Variants in TMEM161B observed in about 807,000 individuals in gnomAD.
TMEM161B encodes the protein transmembrane protein 161B.
In TMEM161B, 34 loss-of-function variants were observed where a neutral mutation model predicts 61.8. The ratio of observed to expected loss-of-function variants is 0.55; its 90% confidence interval spans 0.42 to 0.73. TMEM161B has a LOEUF of 0.73. Ranked by LOEUF, TMEM161B falls within the 30% of genes least tolerant of loss-of-function variation. TMEM161B has a pLI of 0.00. For synonymous variants in TMEM161B, 167 were observed against 192.8 expected (o/e 0.87, Z 1.11); for missense variants, 456 against 558.5 (o/e 0.82, Z 1.85).
chr5:88,253,097 G>C (rs1418299155), intron 1 of TMEM161B, among the ~76,000 whole-genome samples: 3 of 151,918 alleles, frequency 2.0e-5, no homozygotes, highest in Admixed American at 6.6e-5. Context: ...AAATAATTTT[G>C]GGTAAATTAC....
At chr5:88,206,000 C>T (rs1580376605) in intron 7 of TMEM161B, 46 bp from the exon 8 acceptor site, 1 of 1,383,122 alleles carries the variant, frequency 7.2e-7, no homozygotes. Context: ...TTATAATTAG[C>T]TTTTGAAGAA....
intron 3 of TMEM161B, among the ~76,000 whole-genome samples, chr5:88,226,561 GA>G (rs1750084340): frequency 6.6e-6 from 1 of 152,078 alleles, no homozygotes; most frequent in Non-Finnish European, 1.5e-5. Flanking sequence ...GAGTAGCTGG[GA>G]CTACAGGTAC....
chr5:88,233,823 A>G (rs982634485), intron 2 of TMEM161B, among the ~76,000 whole-genome samples: 8 of 152,170 alleles, frequency 5.3e-5, no homozygotes, highest in Non-Finnish European at 7.4e-5. Flanking sequence ...ACATCAAGTA[A>G]AAGTGACAGG....
chr5:88,248,375 C>T (rs1039763786), intron 1 of TMEM161B, among the ~76,000 whole-genome samples: 4 of 152,000 alleles, frequency 2.6e-5, no homozygotes, highest in African/African-American at 9.7e-5. Context: ...TACGTAACTG[C>T]CATTAGCCAT....
downstream of TMEM161B, among the ~76,000 whole-genome samples, chr5:88,194,548 T>C (rs1440246911): frequency 2.0e-5 from 3 of 152,130 alleles, no homozygotes; most frequent in Non-Finnish European, 4.4e-5. Flanking sequence ...GTTCTATTTT[T>C]AGTTCTTTGA....
chr5:88,190,867 T>A (rs572325505), downstream of TMEM161B, among the ~76,000 whole-genome samples: 71 of 152,342 alleles, frequency 4.7e-4, no homozygotes, highest in Non-Finnish European at 9.0e-4. Flanking sequence ...ATAGATTCTT[T>A]TATGGATTAT....
At chr5:88,264,730 A>G (rs1580755878) in intron 1 of TMEM161B, among the ~76,000 whole-genome samples, 1 of 152,226 alleles carries the variant, frequency 6.6e-6, no homozygotes, top group Non-Finnish European at 1.5e-5. Flanking sequence ...AATGTGGCAC[A>G]TATACACCAT....
At chr5:88,211,715 G>A (rs1746819165) in intron 5 of TMEM161B, among the ~76,000 whole-genome samples, 1 of 150,090 alleles carries the variant, frequency 6.7e-6, no homozygotes, top group South Asian at 2.1e-4. Flanking sequence ...AGGTTGCAGT[G>A]AGCCGAGATC....
chr5:88,191,012 T>C (rs1044823542), downstream of TMEM161B, among the ~76,000 whole-genome samples: 1 of 152,226 alleles, frequency 6.6e-6, no homozygotes, highest in African/African-American at 2.4e-5. Flanking sequence ...ACTTTAAATA[T>C]GCTGAATTTT....
chr5:88,222,592 A>G (rs1030441744), intron 4 of TMEM161B, among the ~76,000 whole-genome samples: 2 of 152,236 alleles, frequency 1.3e-5, no homozygotes, highest in Admixed American at 1.3e-4. Flanking sequence ...AATTGAAATA[A>G]GCATTCTAAT....
At chr5:88,207,827 C>T (rs182498803) in intron 5 of TMEM161B, among the ~76,000 whole-genome samples, 5 of 152,116 alleles carry the variant, frequency 3.3e-5, no homozygotes, top group African/African-American at 1.2e-4. Flanking sequence ...CATTATACAC[C>T]AAATTGTTCT....
chr5:88,196,107 T>G lies in TMEM161B; in HGVS notation c.*104A>C. 1.1e-5 allele frequency: 16 copies of G among 1,464,868 alleles called. No homozygotes were observed. Among genetic ancestry groups the G allele is most frequent in the Non-Finnish European group, 1.4e-5 (16 of 1,110,662 alleles). The allele number at this position is 1,464,868 out of a possible 1,614,324, so 90.7% of individuals were successfully genotyped here. ...TACAAGACATTCTGATATGTTTTTT[T>G]TTTCCCATTGTATTTGCTTTCTTCT... On this transcript the variant is annotated 3_prime_UTR_variant, in exon 12 of 12. Transcript: ENST00000296595.
intron 2 of TMEM161B, among the ~76,000 whole-genome samples, chr5:88,236,846 A>T (rs1751943624): frequency 1.3e-5 from 2 of 152,218 alleles, no homozygotes; most frequent in African/African-American, 4.8e-5. Flanking sequence ...TAAAAGACGA[A>T]GTATGGCTTG....
At chr5:88,227,871 G>C (rs1418912515) in intron 3 of TMEM161B, among the ~76,000 whole-genome samples, 2 of 152,138 alleles carry the variant, frequency 1.3e-5, no homozygotes, top group Admixed American at 6.5e-5. Flanking sequence ...AAGCTGGAAG[G>C]ATTATTCAAA....
At chr5:88,240,005 A>G (rs1752463283) in intron 2 of TMEM161B, among the ~76,000 whole-genome samples, 1 of 151,864 alleles carries the variant, frequency 6.6e-6, no homozygotes, top group Non-Finnish European at 1.5e-5. Flanking sequence ...ACTACACAGG[A>G]TTTTGGCATG....
Position 88,212,011 on chromosome 5 carries a change from TC to T in TMEM161B, c.447-4832del, listed in dbSNP as rs148181580. Among the ~76,000 whole-genome samples, 155 of 152,120 alleles carry T rather than the reference TC, an allele frequency of 1.0e-3. 4 individuals carry two copies. The East Asian group carries it at 0.023, about 23-fold the overall frequency. On this transcript the variant is annotated intron_variant, in intron 5 of 11. Coordinates refer to ENST00000296595, the MANE Select transcript of TMEM161B (RefSeq NM_153354.5). Reference sequence around the variant, plus strand: ...TCATGAGGTACATGAGCATGAACTTTCAGAAACAAGACAAATCAAGAGACAA... The same window carrying T: ...TCATGAGGTACATGAGCATGAACTTTAGAAACAAGACAAATCAAGAGACAA...
chr5:88,261,356 T>C (rs1036459776), intron 1 of TMEM161B, among the ~76,000 whole-genome samples: 3 of 151,772 alleles, frequency 2.0e-5, no homozygotes, highest in South Asian at 2.1e-4. Flanking sequence ...ACAGATTCAA[T>C]GCAATTACAA....
chr5:88,200,979 A>AT (rs1427421122), intron 9 of TMEM161B: 1 of 151,978 alleles, frequency 6.6e-6, no homozygotes, highest in Non-Finnish European at 1.5e-5. Flanking sequence ...CTGTCACTTT[A>AT]TTTTTCCTTC....
intron 8 of TMEM161B, among the ~76,000 whole-genome samples, chr5:88,204,557 C>T (rs1354570521): frequency 6.6e-6 from 1 of 152,090 alleles, no homozygotes; most frequent in Non-Finnish European, 1.5e-5. Flanking sequence ...CAGCCCACAG[C>T]GGTTTCAGTA....
Sources: allele counts gnomAD v4.1 joint callset (sites outside exome capture counted in the v4.1 genomes callset), GRCh38; gene constraint gnomAD v4.1.1; transcripts MANE v1.5; gene names NCBI Gene and HGNC (gene_info 2026-07-23, HGNC 2026-07-21).